The following INIP variants were observed in gnomAD, a reference collection of about 807,000 sequenced individuals.
INIP encodes the protein SOSS complex subunit C.
A neutral mutation model predicts 14.0 loss-of-function variants in INIP; 9 were observed. The ratio of observed to expected loss-of-function variants is 0.64; its 90% CI spans 0.39 to 1.12. INIP has a LOEUF of 1.12. Among genes scored for constraint, INIP ranks in the 50% most tolerant of loss-of-function variants. The probability of loss-of-function intolerance (pLI) is 0.01; values close to 1 mark genes in which losing one functional copy is unlikely to be tolerated. For synonymous variants in INIP, 37 were observed against 41.5 expected, an observed-to-expected ratio of 0.89 and a Z score of 0.41; for missense variants, 78 against 122.7, an observed-to-expected ratio of 0.64 and a Z score of 1.72.
intron 2 of INIP, 32 bp downstream of exon 2, chr9:112,716,429 G>T (rs778737196): frequency 6.3e-7 from 1 of 1,594,118 alleles, no homozygotes; most frequent in Non-Finnish European, 8.6e-7. Context: ...TTGGGGAAAT[G>T]TTCATAGTAA....
chr9:112,706,479 C>T (rs1244441244), intron 2 of INIP, among the ~76,000 whole-genome samples: 1 of 151,976 alleles, frequency 6.6e-6, no homozygotes, highest in South Asian at 2.1e-4. Flanking sequence ...ATCTTAAACT[C>T]CTGGCTTCAA....
At chr9:112,689,746 T>G (rs1045439295) in intron 3 of INIP, 129 bp from the exon 4 acceptor site, 130 of 623,016 alleles carry the variant, frequency 2.1e-4, no homozygotes, top group Non-Finnish European at 3.5e-4. Flanking sequence ...ATACTTCCAG[T>G]GTACAATATG....
At chr9:112,716,074 T>C (rs1184947572) in intron 2 of INIP, among the ~76,000 whole-genome samples, 1 of 152,196 alleles carries the variant, frequency 6.6e-6, no homozygotes, top group Non-Finnish European at 1.5e-5. Context: ...TCTTCTTTTT[T>C]TCTTTTTCTT....
intron 2 of INIP, among the ~76,000 whole-genome samples, chr9:112,700,829 T>C (rs761345788): frequency 9.9e-5 from 15 of 151,784 alleles, no homozygotes; most frequent in Non-Finnish European, 1.8e-4. Flanking sequence ...AAGGTGGAAA[T>C]CTGTAACTAT....
intron 2 of INIP, among the ~76,000 whole-genome samples, chr9:112,708,923 G>C (rs1838565233): frequency 6.6e-6 from 1 of 151,158 alleles, no homozygotes; most frequent in African/African-American, 2.4e-5. Context: ...CCTAAATCTA[G>C]TTAATGACGA....
rs1281402488 is a variant in INIP, at chr9:112,684,062, CAA to C, written c.*3474_*3475del. 2 of 152,152 alleles carry C rather than the reference CAA, an allele frequency of 1.3e-5. No homozygotes were observed. The highest frequency in any genetic ancestry group is 2.9e-5 in the Non-Finnish European group (2 of 68,040). The allele number at this position is 152,152 out of a possible 1,614,324, so 9.4% of individuals were successfully genotyped here. Reference sequence around the variant, plus strand: ...AAAAAATACATTTTATATTGCAACTCAAGTCTATAAATTCTTTCATTCCTTCA... The same window carrying C: ...AAAAAATACATTTTATATTGCAACTCGTCTATAAATTCTTTCATTCCTTCA... On this transcript the variant is annotated 3_prime_UTR_variant, in exon 5 of 5. Coordinates refer to ENST00000374242, the MANE Select transcript of INIP (RefSeq NM_021218.3).
chr9:112,700,524 AATATATAT>A (rs1220525854), intron 2 of INIP, among the ~76,000 whole-genome samples: 3 of 137,128 alleles, frequency 2.2e-5, no homozygotes, highest in Non-Finnish European at 4.6e-5. Flanking sequence ...AGGTATATAT[AATATATAT>A]ATATATTATA....
intron 2 of INIP, among the ~76,000 whole-genome samples, chr9:112,707,628 C>G (rs1321527647): frequency 6.6e-6 from 1 of 152,094 alleles, no homozygotes; most frequent in Non-Finnish European, 1.5e-5. Flanking sequence ...ACAGCTCTAT[C>G]ACACTTAAAG....
At chr9:112,699,129 G>A (rs1838198739) in intron 2 of INIP, among the ~76,000 whole-genome samples, 1 of 151,788 alleles carries the variant, frequency 6.6e-6, no homozygotes, top group Non-Finnish European at 1.5e-5. Flanking sequence ...ATCAGCCTGG[G>A]CAACATAGCA....
At chr9:112,702,764 C>CATG (rs1838340649) in intron 2 of INIP, among the ~76,000 whole-genome samples, 1 of 152,112 alleles carries the variant, frequency 6.6e-6, no homozygotes, top group Non-Finnish European at 1.5e-5. Context: ...GGAGTTTCAA[C>CATG]ATGTTGGCCA....
At chr9:112,716,267 C>G (rs1197719736) in intron 2 of INIP, among the ~76,000 whole-genome samples, 194 bp downstream of exon 2, 2 of 151,844 alleles carry the variant, frequency 1.3e-5, no homozygotes, top group Non-Finnish European at 2.9e-5. Flanking sequence ...AGACGGGGTT[C>G]CTGACCTCAA....
At position 112,689,551 on chromosome 9, in the gene INIP, T is replaced by G. The variant is rs1837802403; in HGVS notation, c.195A>C (p.Ala65=). ...CCTGCAAAGCTGCCTTCTGTTGGGC[T>G]GCAATATGCTGCTGCTCAGCGTGAT... is the stretch of plus-strand genomic sequence containing the variant. ...FRDHAEQQHI[A]AQQKAALQHA... is the part of the protein sequence containing the mutation. Residue 65 remains alanine (A), a synonymous_variant, in exon 4 of 5, where the codon GCA becomes GCC. Coordinates refer to ENST00000374242, the MANE Select transcript of INIP (RefSeq NM_021218.3). The G allele has an allele frequency of 1.2e-6, 2 of 1,614,164 alleles. No homozygotes were observed. Among genetic ancestry groups the G allele is most frequent in the Non-Finnish European group, 1.7e-6 (2 of 1,179,986 alleles).
At chr9:112,691,372 T>A (rs963646234) in intron 3 of INIP, among the ~76,000 whole-genome samples, 1 of 152,186 alleles carries the variant, frequency 6.6e-6, no homozygotes, top group African/African-American at 2.4e-5. Flanking sequence ...ATTCAGTAGC[T>A]GATTGGAGAG....
At chr9:112,701,461 T>C (rs1358321612) in intron 2 of INIP, among the ~76,000 whole-genome samples, 2 of 152,262 alleles carry the variant, frequency 1.3e-5, no homozygotes, top group African/African-American at 2.4e-5. Flanking sequence ...ACAGGTATTA[T>C]TGATTTTATA....
intron 3 of INIP, among the ~76,000 whole-genome samples, chr9:112,693,425 A>G (rs1356469680): frequency 1.3e-5 from 2 of 152,098 alleles, no homozygotes; most frequent in Non-Finnish European, 2.9e-5. Flanking sequence ...TTTTCTCCAT[A>G]TATTTACCTT....
chr9:112,693,436 C>A (rs1197889826), intron 3 of INIP, among the ~76,000 whole-genome samples: 1 of 152,188 alleles, frequency 6.6e-6, no homozygotes, highest in African/African-American at 2.4e-5. Flanking sequence ...TATTTACCTT[C>A]TCAGTTTCCC....
chr9:112,698,043 G>A (rs376815381), intron 2 of INIP, among the ~76,000 whole-genome samples: 6 of 151,970 alleles, frequency 3.9e-5, no homozygotes, highest in African/African-American at 1.2e-4. Flanking sequence ...GGTGGCTCAC[G>A]CCTGTAATCC....
chr9:112,699,307 T>C (rs1335575131), intron 2 of INIP, among the ~76,000 whole-genome samples: 1 of 151,622 alleles, frequency 6.6e-6, no homozygotes, highest in Non-Finnish European at 1.5e-5. Context: ...CAAGACCCTG[T>C]CTCTAAAAAA....
At chr9:112,706,436 T>C (rs1838470875) in intron 2 of INIP, among the ~76,000 whole-genome samples, 1 of 152,046 alleles carries the variant, frequency 6.6e-6, no homozygotes, top group East Asian at 1.9e-4. Context: ...CAATTTTGTG[T>C]AGAGACAGGG....
Sources: gnomAD v4.1 joint callset for allele counts (sites outside exome capture counted in the v4.1 genomes callset) on GRCh38, gnomAD v4.1.1 for gene constraint, MANE v1.5 for transcripts, NCBI Gene and HGNC (gene_info 2026-07-23, HGNC 2026-07-21) for gene names.